The following FAM89A variants were observed in gnomAD, a reference collection of about 807,000 sequenced individuals.
FAM89A encodes protein FAM89A.
In FAM89A, 10 loss-of-function variants were observed where a neutral mutation model predicts 7.1. The ratio of observed to expected loss-of-function variants is 1.40; its 90% CI spans 0.86 to 2.38. The LOEUF (loss-of-function observed/expected upper bound fraction) is 2.38. FAM89A is among the 30% of genes most tolerant of loss of function. The pLI, the probability that FAM89A is intolerant of heterozygous loss-of-function variation, is 0.00. For synonymous variants in FAM89A, 157 were observed against 129.3 expected, an observed-to-expected ratio of 1.21 and a Z score of -1.45; for missense variants, 276 against 262.8, an observed-to-expected ratio of 1.05 and a Z score of -0.35.
At chr1:231,030,842 A>T (rs1356025527) in intron 1 of FAM89A, among the ~76,000 whole-genome samples, 1 of 152,198 alleles carries the variant, frequency 6.6e-6, no homozygotes, top group Non-Finnish European at 1.5e-5. Flanking sequence ...AGGTGAGGTG[A>T]CTTACACCTG....
At position 231,019,845 on chromosome 1, in the gene FAM89A, C is replaced by T. The variant is rs765075443; in HGVS notation, c.*18G>A. ...AGTAGGAAGGGCTTCCCAACAGTCA[C>T]ATCCCTCCCAAGACCCTCTAGATGG... On this transcript the variant is annotated 3_prime_UTR_variant, in exon 2 of 2. Transcript: ENST00000366654. 7.5e-6 allele frequency: 12 copies of T among 1,605,824 alleles called. No individual in the cohort carries two copies. The South Asian group carries it at 1.3e-4, about 18-fold the overall frequency.
chr1:231,021,479 C>T (rs1335661060), intron 1 of FAM89A: 3 of 621,368 alleles, frequency 4.8e-6, no homozygotes, highest in African/African-American at 1.8e-5. Flanking sequence ...AAATCTGTCC[C>T]GATCCAAATT....
intron 1 of FAM89A, among the ~76,000 whole-genome samples, chr1:231,036,441 T>C (rs1680156131): frequency 6.6e-6 from 1 of 152,144 alleles, no homozygotes; most frequent in Admixed American, 6.5e-5. Flanking sequence ...ATCAACTTTT[T>C]CAAAAGGACT....
At chr1:231,031,171 A>C (rs1314860893) in intron 1 of FAM89A, among the ~76,000 whole-genome samples, 1 of 152,152 alleles carries the variant, frequency 6.6e-6, no homozygotes, top group Non-Finnish European at 1.5e-5. Context: ...CATTTTCATA[A>C]ATCTTTTTAA....
intron 1 of FAM89A, among the ~76,000 whole-genome samples, chr1:231,039,222 G>A (rs937432055): frequency 6.6e-5 from 10 of 152,236 alleles, no homozygotes; most frequent in Non-Finnish European, 1.2e-4. Context: ...ATGGTATGGA[G>A]CTTAGACACA....
intron 1 of FAM89A, among the ~76,000 whole-genome samples, chr1:231,024,520 G>GCACACACACACACACACACACACACA (rs3220109): frequency 3.3e-4 from 48 of 144,542 alleles, no homozygotes; most frequent in African/African-American, 1.1e-3. Flanking sequence ...TACATTGCAT[G>GCACACACACACACACACACACACACA]CACACACACA....
chr1:231,033,880 GCAATGACCCACA>G, intron 1 of FAM89A, among the ~76,000 whole-genome samples: 1 of 152,112 alleles, frequency 6.6e-6, no homozygotes, highest in African/African-American at 2.4e-5. Flanking sequence ...ATGAAGCCAG[GCAATGACCCACA>G]CACTGCCCTT....
intron 1 of FAM89A, chr1:231,022,294 T>C (rs1369516779): frequency 2.9e-6 from 2 of 684,336 alleles, no homozygotes; most frequent in Non-Finnish European, 5.3e-6. Context: ...GTCTGATATG[T>C]AAACTGCTCT....
rs1402930680 is a variant in FAM89A at position 231,040,119 on chromosome 1, C to T, written c.93G>A (p.Leu31=). The change falls in exon 1 of 2, where the codon TTG becomes TTA. Residue 31 remains leucine (L), a synonymous_variant. Coordinates refer to ENST00000366654, the MANE Select transcript of FAM89A (RefSeq NM_198552.3). The part of the protein sequence containing the change: ...VDGLPPLPKS[L]SGLLHSASGG... ...CCGACGCCGAGTGCAGCAGCCCGCT[C>T]AAGCTCTTTGGCAGCGGGGGCAGCC... 4 of 1,404,588 alleles carry T rather than the reference C, an allele frequency of 2.8e-6. No homozygotes were observed. The highest frequency in any genetic ancestry group is 2.6e-4 in the Middle Eastern group (1 of 3,850). The allele number at this position is 1,404,588 out of a possible 1,614,324, so 87.0% of individuals were successfully genotyped here. A position where few individuals can be genotyped will look rare whatever the true frequency, so the allele number is the denominator to read the frequency against.
rs140450435 is a variant in FAM89A, at chr1:231,021,811, T to C, written c.292-1685A>G. ...TTGATCTGACTCACAATGACTCTGT[T>C]GTGATTGTTGACAAAAGAAGAAGAC... On this transcript the variant is annotated intron_variant, in intron 1 of 1. Coordinates refer to ENST00000366654, the MANE Select transcript of FAM89A (RefSeq NM_198552.3). 1,520 of 1,602,236 alleles carry C rather than the reference T, an allele frequency of 9.5e-4. 21 individuals are homozygous for C. In the African/African-American group the frequency reaches 0.017, roughly 18 times the overall value.
intron 1 of FAM89A, chr1:231,021,991 G>A (rs368366253): frequency 1.4e-5 from 19 of 1,328,510 alleles, no homozygotes; most frequent in African/African-American, 5.8e-5. Context: ...TCAGGCCCTC[G>A]GGTACTGTCG....
At chr1:231,034,967 G>A (rs756824051) in intron 1 of FAM89A, among the ~76,000 whole-genome samples, 59 of 152,174 alleles carry the variant, frequency 3.9e-4, no homozygotes, top group Middle Eastern at 6.8e-3. Flanking sequence ...ATTAAAGGCC[G>A]CTAGACATCC....
At chr1:231,039,561 G>C (rs1191817288) in intron 1 of FAM89A, among the ~76,000 whole-genome samples, 1 of 152,232 alleles carries the variant, frequency 6.6e-6, no homozygotes, top group Non-Finnish European at 1.5e-5. Context: ...TTCCCCCACC[G>C]GGAAGGTCTG....
intron 1 of FAM89A, among the ~76,000 whole-genome samples, chr1:231,031,407 AC>A (rs1399504437): frequency 6.6e-6 from 1 of 152,212 alleles, no homozygotes; most frequent in African/African-American, 2.4e-5. Context: ...ACACTCTATT[AC>A]ATTAAAACCC....
At chr1:231,027,307 A>C (rs1306274419) in intron 1 of FAM89A, among the ~76,000 whole-genome samples, 1 of 152,184 alleles carries the variant, frequency 6.6e-6, no homozygotes, top group African/African-American at 2.4e-5. Flanking sequence ...ATGACTCACA[A>C]AGCTGCCTTG....
intron 1 of FAM89A, among the ~76,000 whole-genome samples, chr1:231,034,554 T>A (rs1170397531): frequency 6.6e-6 from 1 of 151,760 alleles, no homozygotes; most frequent in Admixed American, 6.6e-5. Flanking sequence ...GGGCGGATCA[T>A]CTGAGGTCAG....
intron 1 of FAM89A, chr1:231,021,878 A>G: frequency 6.3e-7 from 1 of 1,578,124 alleles, no homozygotes. Context: ...CCATGCTGAC[A>G]GCTGCATGGT....
chr1:231,024,549 C>CACACACA (rs879412001), intron 1 of FAM89A, among the ~76,000 whole-genome samples: 1 of 149,962 alleles, frequency 6.7e-6, no homozygotes, highest in African/African-American at 2.5e-5. Context: ...CACACACACA[C>CACACACA]ATTTAGAGAT....
In FAM89A at chr1:231,019,956, G is replaced by C; in HGVS notation, c.462C>G (p.Ser154=). ...GGCCTCGGTCCCTCCTGTCGTGCAGGGAGTTCTGCTCCTGGAAATATTCCT... is the reference window on the plus strand; with the variant it reads ...GGCCTCGGTCCCTCCTGTCGTGCAGCGAGTTCTGCTCCTGGAAATATTCCT... ...EEEEYFQEQN[S]LHDRRDRGPP... The change falls in exon 2 of 2, where the codon TCC becomes TCG. Residue 154 remains serine (S), a synonymous_variant. Transcript: ENST00000366654. 1.2e-6 allele frequency: 2 copies of C among 1,614,160 alleles called. No homozygotes were observed. The highest frequency in any genetic ancestry group is 1.1e-5 in the South Asian group (1 of 91,086).
Sources: allele counts gnomAD v4.1 joint callset (sites outside exome capture counted in the v4.1 genomes callset), GRCh38; gene constraint gnomAD v4.1.1; transcripts MANE v1.5; gene names NCBI Gene and HGNC (gene_info 2026-07-23, HGNC 2026-07-21).